Variants in ELP4 observed in about 807,000 individuals in gnomAD.
The protein encoded by ELP4 is elongator acetyltransferase complex subunit 4, also known as elongator complex protein 4.
A neutral mutation model predicts 48.9 loss-of-function variants in ELP4; 51 were observed. The ratio of observed to expected loss-of-function variants is 1.04; its 90% CI spans 0.83 to 1.32. The LOEUF is 1.32. Among genes scored for constraint, ELP4 ranks in the 40% most tolerant of loss-of-function variants. The pLI is 0.00. For missense variants in ELP4, 519 were observed against 514.6 expected (o/e 1.01, Z -0.08); for synonymous variants, 210 against 189.2 (o/e 1.11, Z -0.90).
chr11:31,617,159 G>C (rs946484725), intron 5 of ELP4, among the ~76,000 whole-genome samples: 1 of 152,020 alleles, frequency 6.6e-6, no homozygotes, highest in Non-Finnish European at 1.5e-5. Flanking sequence ...GGTGATAGTA[G>C]TGCAAATGTC....
rs571038250 is a variant in ELP4 at position 31,710,212 on chromosome 11, A to C, written c.1143+59991A>C. On this transcript the variant is annotated intron_variant, in intron 9 of 9. Transcript: ENST00000640961. ...ACTGTTGGCCAGCATGATCAGAGCA[A>C]CGTTCTGGAGAAGATACACTTTAAA... Among the ~76,000 whole-genome samples, 12 of 152,366 alleles carry C rather than the reference A, an allele frequency of 7.9e-5. No individual in the cohort carries two copies. In the East Asian group the frequency reaches 2.3e-3, roughly 29 times the overall value.
intron 9 of ELP4, among the ~76,000 whole-genome samples, chr11:31,782,773 T>C (rs897754927): frequency 1.4e-4 from 21 of 152,136 alleles, no homozygotes; most frequent in African/African-American, 5.1e-4. Flanking sequence ...CCAAGACCGG[T>C]AATAGATGCT....
intron 2 of ELP4, among the ~76,000 whole-genome samples, chr11:31,528,275 G>A (rs890506191): frequency 6.6e-6 from 1 of 152,050 alleles, no homozygotes; most frequent in Non-Finnish European, 1.5e-5. Context: ...TGAGTGATTT[G>A]AAAGCCTGGG....
At chr11:31,562,108 A>G (rs1338353045) in intron 3 of ELP4, among the ~76,000 whole-genome samples, 3 of 152,176 alleles carry the variant, frequency 2.0e-5, no homozygotes, top group Non-Finnish European at 4.4e-5. Context: ...ATCTGCCTGT[A>G]CCTTATTTTC....
At chr11:31,734,768 T>G (rs1299998405) in intron 9 of ELP4, among the ~76,000 whole-genome samples, 1 of 152,322 alleles carries the variant, frequency 6.6e-6, no homozygotes, top group Admixed American at 6.5e-5. Context: ...GACTTGATAT[T>G]GTTAAAATGT....
chr11:31,763,030 A>C (rs1007567351), intron 9 of ELP4, among the ~76,000 whole-genome samples: 30 of 151,958 alleles, frequency 2.0e-4, no homozygotes, highest in Admixed American at 4.6e-4. Flanking sequence ...AAGATAAGTA[A>C]GCTCAGATGT....
rs546068931 is a variant in ELP4 at position 31,559,843 on chromosome 11, C to T, written c.381+20060C>T. On this transcript the variant is annotated intron_variant, in intron 3 of 9. Coordinates refer to ENST00000640961, the MANE Select transcript of ELP4 (RefSeq NM_019040.5). ...GCTTGAATCCAGGAGGCAGAGGTTG[C>T]GGCGAGCTGAGATTGCGCCATTGCA... Among the ~76,000 whole-genome samples the T allele has an allele frequency of 3.4e-4, 51 of 148,590 alleles. No homozygotes were observed. The South Asian group carries it at 0.01, about 29-fold the overall frequency.
intron 9 of ELP4, among the ~76,000 whole-genome samples, chr11:31,660,349 A>G (rs1945529117): frequency 6.6e-6 from 1 of 152,178 alleles, no homozygotes; most frequent in Non-Finnish European, 1.5e-5. Context: ...ACTTGTACAT[A>G]TTGTAATAGG....
chr11:31,577,350 A>C (rs894333971), intron 3 of ELP4, among the ~76,000 whole-genome samples: 1 of 152,226 alleles, frequency 6.6e-6, no homozygotes, highest in African/African-American at 2.4e-5. Context: ...AAATTCTACC[A>C]GAGGTACAAA....
chr11:31,579,027 T>C (rs1438026491), intron 3 of ELP4, among the ~76,000 whole-genome samples: 1 of 152,174 alleles, frequency 6.6e-6, no homozygotes, highest in Non-Finnish European at 1.5e-5. Flanking sequence ...AGAAAATTTT[T>C]ACAATCTACC....
At chr11:31,531,657 T>C (rs1462250559) in intron 2 of ELP4, among the ~76,000 whole-genome samples, 1 of 152,204 alleles carries the variant, frequency 6.6e-6, no homozygotes, top group Non-Finnish European at 1.5e-5. Context: ...GGGAATGTAT[T>C]GGGAAAGAAG....
At chr11:31,765,777 C>A (rs1190673608) in intron 9 of ELP4, among the ~76,000 whole-genome samples, 3 of 151,872 alleles carry the variant, frequency 2.0e-5, no homozygotes, top group Non-Finnish European at 4.4e-5. Flanking sequence ...ATTAGTGATA[C>A]CTCATAAATT....
At chr11:31,707,461 A>G (rs1275728529) in intron 9 of ELP4, 1 of 153,048 alleles carries the variant, frequency 6.5e-6, no homozygotes, top group South Asian at 2.1e-4. Context: ...CCTTTATTCT[A>G]TAACAATGTA....
At position 31,630,227 on chromosome 11, in the gene ELP4, CTT is replaced by C. The variant is rs11441798; in HGVS notation, c.739-1973_739-1972del. ...TTTCTAATGTGCTTATTCTAAAATC[CTT>C]TTTTTTTTTTTTTTTTATAATTTCA... is the stretch of plus-strand genomic sequence containing the variant. On this transcript the variant is annotated intron_variant, in intron 6 of 9. Coordinates refer to ENST00000640961, the MANE Select transcript of ELP4 (RefSeq NM_019040.5). Among the ~76,000 whole-genome samples, 384 of 128,446 alleles carry C rather than the reference CTT, an allele frequency of 3.0e-3. 2 individuals are homozygous for C. Among genetic ancestry groups the C allele is most frequent in the African/African-American group, 0.01 (345 of 33,772 alleles). The allele number at this position is 128,446 out of a possible 152,430, so 84.3% of individuals were successfully genotyped here.
chr11:31,559,581 G>A (rs186035027), intron 3 of ELP4, among the ~76,000 whole-genome samples: 61 of 152,212 alleles, frequency 4.0e-4, no homozygotes, highest in African/African-American at 1.2e-3. Context: ...TAGTTACCTC[G>A]ACTTCTCAGT....
intron 2 of ELP4, among the ~76,000 whole-genome samples, chr11:31,527,551 T>G (rs1241935414): frequency 1.3e-5 from 2 of 152,018 alleles, no homozygotes; most frequent in Non-Finnish European, 2.9e-5. Flanking sequence ...GAGACCTGAG[T>G]GATACGCTTG....
In ELP4 at chr11:31,785,978, C is replaced by T. The variant is rs866821760; in HGVS notation, c.*2454C>T. ...GAACTTCAAAACCCTATATGGTACT[C>T]ATTTCTTACACTAGATTTGCCTTTC... On this transcript the variant is annotated 3_prime_UTR_variant, in exon 10 of 10. Coordinates refer to ENST00000640961, the MANE Select transcript of ELP4 (RefSeq NM_019040.5). The T allele has an allele frequency of 1.5e-5, 3 of 200,358 alleles. No individual in the cohort carries two copies. The highest frequency in any genetic ancestry group is 2.3e-5 in the African/African-American group (1 of 43,544). 12.4% of individuals were successfully genotyped at this position (200,358 alleles called of 1,614,324 possible). A position where few individuals can be genotyped will look rare whatever the true frequency, so the allele number is the denominator to read the frequency against.
intron 3 of ELP4, among the ~76,000 whole-genome samples, chr11:31,575,882 C>A (rs955227360): frequency 1.3e-5 from 2 of 152,160 alleles, no homozygotes; most frequent in Non-Finnish European, 1.5e-5. Context: ...ACTGCATTAA[C>A]TAACGAGCAA....
chr11:31,737,449 C>G (rs1256678136), intron 9 of ELP4, among the ~76,000 whole-genome samples: 1 of 151,350 alleles, frequency 6.6e-6, no homozygotes, highest in African/African-American at 2.4e-5. Flanking sequence ...GCACATGTAC[C>G]CTAAAACTTA....
Sources: allele counts gnomAD v4.1 joint callset (sites outside exome capture counted in the v4.1 genomes callset), GRCh38; gene constraint gnomAD v4.1.1; transcripts MANE v1.5; gene names NCBI Gene and HGNC (gene_info 2026-07-23, HGNC 2026-07-21).